DNAJC27: variants seen among roughly 807,000 people sequenced by gnomAD.
The protein encoded by DNAJC27 is DnaJ heat shock protein family (Hsp40) member C27, also known as dnaJ homolog subfamily C member 27.
In DNAJC27, 25 loss-of-function variants were observed where a neutral mutation model predicts 31.4. That is an observed-to-expected ratio of 0.80 (90% CI 0.58 to 1.11). DNAJC27 has a LOEUF of 1.11. Ranked by LOEUF, DNAJC27 falls within the 50% of genes most tolerant of loss-of-function variation. The pLI is 0.00. For synonymous variants in DNAJC27, 106 were observed against 112.7 expected (o/e 0.94, Z 0.37); for missense variants, 356 against 347.3 (o/e 1.02, Z -0.20).
intron 3 of DNAJC27, among the ~76,000 whole-genome samples, chr2:24,959,824 T>A (rs181728244): frequency 6.6e-6 from 1 of 152,216 alleles, no homozygotes; most frequent in Non-Finnish European, 1.5e-5. Flanking sequence ...TGGAGTACCA[T>A]ACTGTTTTGT....
chr2:24,947,520 T>C lies in DNAJC27; in HGVS notation c.*96A>G. The C allele has an allele frequency of 1.4e-6, 2 of 1,413,062 alleles. No homozygotes were observed. Among genetic ancestry groups the C allele is most frequent in the African/African-American group, 1.4e-5 (1 of 70,054 alleles). The allele number at this position is 1,413,062 out of a possible 1,614,324, so 87.5% of individuals were successfully genotyped here. A position where few individuals can be genotyped will look rare whatever the true frequency, so the allele number is the denominator to read the frequency against. On this transcript the variant is annotated 3_prime_UTR_variant, in exon 7 of 7. Coordinates refer to ENST00000264711, the MANE Select transcript of DNAJC27 (RefSeq NM_016544.3). ...GACAACACATGAATGAAAAGAGCAGTGAGATTCTGGGAAGGAAAACTCCAC... is the reference window on the plus strand; with the variant it reads ...GACAACACATGAATGAAAAGAGCAGCGAGATTCTGGGAAGGAAAACTCCAC...
At chr2:24,953,722 A>G (rs2149122949) in intron 5 of DNAJC27, 1 of 164,242 alleles carries the variant, frequency 6.1e-6, no homozygotes, top group Admixed American at 6.5e-5. Context: ...CTAGCCTACG[A>G]GTTAACCTGA....
intron 1 of DNAJC27, among the ~76,000 whole-genome samples, chr2:24,968,754 A>G (rs981460170): frequency 3.9e-5 from 6 of 152,154 alleles, no homozygotes; most frequent in African/African-American, 1.2e-4. Flanking sequence ...TAATTTTACT[A>G]CATTTGTGTA....
intron 3 of DNAJC27, among the ~76,000 whole-genome samples, chr2:24,958,909 TC>T (rs1403989542): frequency 2.6e-5 from 4 of 152,164 alleles, no homozygotes; most frequent in African/African-American, 4.8e-5. Context: ...TTCACAAAAT[TC>T]CCAAATGTAC....
At chr2:24,948,962 C>T (rs1247051964) in intron 6 of DNAJC27, among the ~76,000 whole-genome samples, 1 of 152,156 alleles carries the variant, frequency 6.6e-6, no homozygotes, top group Non-Finnish European at 1.5e-5. Context: ...GTCAGATGGC[C>T]TTTGATACCT....
In DNAJC27 at chr2:24,957,071, G is replaced by T. The variant is rs1219656171; in HGVS notation, c.500C>A (p.Thr167Asn). 6.2e-7 allele frequency: 1 copy of T among 1,609,446 alleles called. No individual in the cohort carries two copies. The highest frequency in any genetic ancestry group is 8.5e-7 in the Non-Finnish European group (1 of 1,178,424). The change falls in exon 5 of 7, where the codon ACT (threonine) becomes AAT (asparagine). Residue 167 changes from threonine to asparagine, a missense_variant. By Grantham distance (65) the Thr-to-Asn change is moderately conservative (BLOSUM62 0). Transcript: ENST00000264711. ...GAACATCTCATTAATGCCTTCTCCA[G>T]TTTGTGCTGAAGTTTCAAAGTACAG... ...GFLYFETSAQ[T>N]GEGINEMFQT...
chr2:24,965,033 C>T (rs1398678872), intron 2 of DNAJC27, among the ~76,000 whole-genome samples: 1 of 151,970 alleles, frequency 6.6e-6, no homozygotes, highest in African/African-American at 2.4e-5. Flanking sequence ...TGGTGAAACC[C>T]TGTCTCTACT....
intron 3 of DNAJC27, 195 bp downstream of exon 3, chr2:24,963,210 T>C (rs1159418436): frequency 2.4e-6 from 1 of 408,276 alleles, no homozygotes; most frequent in African/African-American, 2.0e-5. Context: ...TGAAATTTCC[T>C]ACCACTATTT....
chr2:24,963,248 T>G, intron 3 of DNAJC27, 157 bp downstream of exon 3: 1 of 467,688 alleles, frequency 2.1e-6, no homozygotes, highest in South Asian at 5.2e-5. Context: ...GATCAACAGT[T>G]GTCTATTAAC....
At chr2:24,947,800 T>C in intron 6 of DNAJC27, 52 bp from the exon 7 acceptor site, 1 of 1,575,088 alleles carries the variant, frequency 6.3e-7, no homozygotes, top group Non-Finnish European at 8.7e-7. Flanking sequence ...CCCAACCCAC[T>C]GCATGTTAGC....
intron 3 of DNAJC27, chr2:24,958,582 C>T (rs529446179): frequency 2.4e-5 from 10 of 421,774 alleles, no homozygotes; most frequent in Admixed American, 2.3e-4. Flanking sequence ...CTTAACCTCT[C>T]TGCGTCTCAG....
intron 5 of DNAJC27, among the ~76,000 whole-genome samples, chr2:24,956,554 G>A (rs1424789548): frequency 6.6e-6 from 1 of 152,150 alleles, no homozygotes; most frequent in African/African-American, 2.4e-5. Flanking sequence ...TATACTAGCG[G>A]TGGCAAGGCA....
At chr2:24,948,683 A>G (rs560289642) in intron 6 of DNAJC27, among the ~76,000 whole-genome samples, 150 of 152,288 alleles carry the variant, frequency 9.8e-4, no homozygotes, top group Non-Finnish European at 1.9e-3. Flanking sequence ...GAGCTCCTCA[A>G]AGAGCCAAAA....
At chr2:24,968,415 G>A (rs1022362583) in intron 1 of DNAJC27, among the ~76,000 whole-genome samples, 2 of 151,928 alleles carry the variant, frequency 1.3e-5, no homozygotes, top group African/African-American at 4.8e-5. Flanking sequence ...ATGAGTATGT[G>A]TTACTTTTAC....
intron 1 of DNAJC27, among the ~76,000 whole-genome samples, chr2:24,970,643 T>C (rs554512498): frequency 6.6e-6 from 1 of 151,636 alleles, no homozygotes; most frequent in South Asian, 2.1e-4. Context: ...TTTGCATTTT[T>C]AGTAGAGACA....
At position 24,951,492 on chromosome 2, in the gene DNAJC27, G is replaced by GCT. The variant is rs1301288513; in HGVS notation, c.589_590dup (p.Ser197ArgfsTer55). 1.2e-6 allele frequency: 2 copies of GCT among 1,613,516 alleles called. No homozygotes were observed. Among genetic ancestry groups the GCT allele is most frequent in the Admixed American group, 3.3e-5 (2 of 59,956 alleles). ...CTTGTTCTTTGGTGAAACTAGCACT[G>GCT]CTATTGGTGGTAGGGCGTTTCCCGC... is the stretch of plus-strand genomic sequence containing the variant. On this transcript the variant is annotated frameshift_variant, in exon 6 of 7. Coordinates refer to ENST00000264711, the MANE Select transcript of DNAJC27 (RefSeq NM_016544.3). LOFTEE classifies it high-confidence loss of function.
chr2:24,961,727 T>G (rs1304419458), intron 3 of DNAJC27, among the ~76,000 whole-genome samples: 2 of 152,032 alleles, frequency 1.3e-5, no homozygotes, highest in African/African-American at 4.8e-5. Context: ...GAATTAGAAG[T>G]AGGGCCTGAA....
intron 3 of DNAJC27, among the ~76,000 whole-genome samples, chr2:24,959,634 A>C (rs1665994219): frequency 6.6e-6 from 1 of 152,196 alleles, no homozygotes; most frequent in African/African-American, 2.4e-5. Flanking sequence ...AAACTGGGGA[A>C]TCTCTCATTC....
intron 1 of DNAJC27, among the ~76,000 whole-genome samples, chr2:24,970,028 A>T (rs1194083558): frequency 6.6e-6 from 1 of 152,208 alleles, no homozygotes; most frequent in Non-Finnish European, 1.5e-5. Context: ...CCATTTGCCT[A>T]AGTAATTTAT....
Sources: gnomAD v4.1 joint callset for allele counts (sites outside exome capture counted in the v4.1 genomes callset) on GRCh38, gnomAD v4.1.1 for gene constraint, MANE v1.5 for transcripts, NCBI Gene and HGNC (gene_info 2026-07-23, HGNC 2026-07-21) for gene names.